CDK17: variants seen among roughly 807,000 people sequenced by gnomAD.
The protein encoded by CDK17 is cyclin dependent kinase 17, also known as cyclin-dependent kinase 17.
Under a neutral mutation model 77.6 loss-of-function variants are expected in CDK17, and 24 were observed. That is an observed-to-expected ratio of 0.31 (90% CI 0.22 to 0.44). The LOEUF is 0.44. Ranked by LOEUF, CDK17 falls within the 20% of genes least tolerant of loss-of-function variation. The pLI is 1.00. For missense variants in CDK17, 429 were observed against 622.5 expected (o/e 0.69, Z 3.31); for synonymous variants, 203 against 210.4 (o/e 0.96, Z 0.30).
At chr12:96,313,173 T>C (rs1952666178) in intron 4 of CDK17, 148 bp downstream of exon 4, 1 of 488,114 alleles carries the variant, frequency 2.0e-6, no homozygotes, top group African/African-American at 2.0e-5. Flanking sequence ...GACTGCAATT[T>C]ATGAATGCAA....
chr12:96,369,061 G>A (rs1953646790), intron 1 of CDK17, among the ~76,000 whole-genome samples: 1 of 152,012 alleles, frequency 6.6e-6, no homozygotes, highest in Non-Finnish European at 1.5e-5. Context: ...GTAGGCCTGT[G>A]ATAGGTGTAT....
At chr12:96,316,101 A>G (rs1159819420) in intron 3 of CDK17, among the ~76,000 whole-genome samples, 1 of 152,164 alleles carries the variant, frequency 6.6e-6, no homozygotes, top group Non-Finnish European at 1.5e-5. Flanking sequence ...GTGTGTGCGC[A>G]CCGTGCACTA....
intron 1 of CDK17, among the ~76,000 whole-genome samples, chr12:96,338,831 T>G (rs911530762): frequency 5.3e-5 from 8 of 152,072 alleles, no homozygotes; most frequent in Admixed American, 5.2e-4. Context: ...TTCACTATCT[T>G]TACCATTTTT....
intron 6 of CDK17, 96 bp downstream of exon 6, chr12:96,300,208 T>TA (rs1205931593): frequency 4.9e-6 from 4 of 821,996 alleles, no homozygotes; most frequent in South Asian, 2.9e-5. Context: ...CATCAGTACT[T>TA]ACGTTTTTTC....
chr12:96,386,654 T>A (rs553113033), intron 1 of CDK17, among the ~76,000 whole-genome samples: 1 of 152,214 alleles, frequency 6.6e-6, no homozygotes, highest in Admixed American at 6.5e-5. Flanking sequence ...AGAGGCCTTG[T>A]CTCAAAATGA....
intron 5 of CDK17, 52 bp from the exon 6 acceptor site, chr12:96,300,412 G>A: frequency 2.8e-6 from 2 of 724,944 alleles, no homozygotes; most frequent in Non-Finnish European, 2.1e-6. Flanking sequence ...TTTTTTTTTT[G>A]AGACAGCATC....
At chr12:96,391,049 T>C (rs1954059413) in intron 1 of CDK17, among the ~76,000 whole-genome samples, 1 of 149,672 alleles carries the variant, frequency 6.7e-6, no homozygotes, top group Non-Finnish European at 1.5e-5. Flanking sequence ...ATTGCACCAC[T>C]GCACTCCAAC....
chr12:96,337,657 C>T (rs1565825530), intron 1 of CDK17, among the ~76,000 whole-genome samples: 1 of 152,180 alleles, frequency 6.6e-6, no homozygotes, highest in Non-Finnish European at 1.5e-5. Flanking sequence ...TTCTGATAGT[C>T]AACCTTTATA....
At chr12:96,336,306 C>CA (rs1953040138) in intron 1 of CDK17, among the ~76,000 whole-genome samples, 1 of 151,840 alleles carries the variant, frequency 6.6e-6, no homozygotes, top group East Asian at 1.9e-4. Context: ...CTGAAAAAAA[C>CA]AAAGAAAATT....
chr12:96,335,316 A>G, intron 1 of CDK17: 1 of 242,462 alleles, frequency 4.1e-6, no homozygotes, highest in Non-Finnish European at 8.1e-6. Flanking sequence ...TGACAATTAA[A>G]CAGCTCCAAC....
chr12:96,299,468 G>A (rs1367409009), intron 6 of CDK17, among the ~76,000 whole-genome samples: 1 of 144,054 alleles, frequency 6.9e-6, no homozygotes, highest in Non-Finnish European at 1.5e-5. Flanking sequence ...TTGGCTTGCT[G>A]TAACCTCCAC....
At chr12:96,292,843 TA>T (rs538105280) in intron 10 of CDK17, among the ~76,000 whole-genome samples, 88 of 147,788 alleles carry the variant, frequency 6.0e-4, no homozygotes, top group African/African-American at 1.4e-3. Context: ...CCAGATTAGC[TA>T]AAAAAAAAAT....
chr12:96,396,948 T>G (rs566918221), intron 1 of CDK17, among the ~76,000 whole-genome samples: 235 of 152,266 alleles, frequency 1.5e-3, no homozygotes, highest in African/African-American at 5.5e-3. Flanking sequence ...AATCATAGGG[T>G]AAAAATTTTT....
At chr12:96,331,051 A>G (rs1365027146) in intron 2 of CDK17, among the ~76,000 whole-genome samples, 2 of 152,194 alleles carry the variant, frequency 1.3e-5, no homozygotes, top group Non-Finnish European at 1.5e-5. Context: ...GGTTCAAGCA[A>G]TTCTCCTGCC....
At chr12:96,367,071 G>A (rs1483502937) in intron 1 of CDK17, among the ~76,000 whole-genome samples, 1 of 151,916 alleles carries the variant, frequency 6.6e-6, no homozygotes, top group Admixed American at 6.6e-5. Flanking sequence ...ATGGCCATGT[G>A]CGATGGCTCA....
intron 1 of CDK17, among the ~76,000 whole-genome samples, chr12:96,390,483 T>C (rs1167655320): frequency 1.4e-5 from 2 of 147,882 alleles, no homozygotes; most frequent in Admixed American, 6.7e-5. Context: ...CCTAGGTGGG[T>C]GGATCACCTG....
At chr12:96,352,513 C>T (rs1953327402) in intron 1 of CDK17, among the ~76,000 whole-genome samples, 1 of 152,088 alleles carries the variant, frequency 6.6e-6, no homozygotes, top group South Asian at 2.1e-4. Flanking sequence ...TAAAGGATGG[C>T]GAGATTGCCT....
intron 1 of CDK17, among the ~76,000 whole-genome samples, chr12:96,368,184 T>C (rs1953619322): frequency 6.6e-6 from 1 of 152,234 alleles, no homozygotes; most frequent in Admixed American, 6.5e-5. Context: ...TAATGTTCCT[T>C]GTATTCCAAG....
chr12:96,397,092 G>A (rs1017384007), intron 1 of CDK17, among the ~76,000 whole-genome samples: 1 of 151,890 alleles, frequency 6.6e-6, no homozygotes, highest in African/African-American at 2.4e-5. Flanking sequence ...AGGAAAGAAG[G>A]AAAATATTGC....
Sources: gnomAD v4.1 joint callset for allele counts (sites outside exome capture counted in the v4.1 genomes callset) on GRCh38, gnomAD v4.1.1 for gene constraint, MANE v1.5 for transcripts, NCBI Gene and HGNC (gene_info 2026-07-23, HGNC 2026-07-21) for gene names.